The following SNTG1 variants were observed in gnomAD, a reference collection of about 807,000 sequenced individuals.
SNTG1 encodes gamma-1-syntrophin.
A neutral mutation model predicts 74.7 loss-of-function variants in SNTG1; 39 were observed. The observed-to-expected ratio is 0.52, with a 90% CI of 0.40 to 0.68. SNTG1 has a LOEUF of 0.68. Among genes scored for constraint, SNTG1 ranks in the 30% least tolerant of loss-of-function variants. SNTG1 has a pLI of 0.00. For synonymous variants in SNTG1, 254 were observed against 217.1 expected (o/e 1.17, Z -1.49); for missense variants, 685 against 609.5 (o/e 1.12, Z -1.30).
In SNTG1 at chr8:50,752,107, C is replaced by CA; in HGVS notation, c.1394dup (p.Glu466GlyfsTer6). 1.3e-6 allele frequency: 2 copies of CA among 1,527,718 alleles called. No homozygotes were observed. The highest frequency in any genetic ancestry group is 1.3e-5 in the South Asian group (1 of 77,506). The allele number at this position is 1,527,718 out of a possible 1,614,324, so 94.6% of individuals were successfully genotyped here. A position where few individuals can be genotyped will look rare whatever the true frequency, so the allele number is the denominator to read the frequency against. On this transcript the variant is annotated frameshift_variant, in exon 18 of 19. Transcript: ENST00000642720. LOFTEE classifies it high-confidence loss of function. ...AATCCAGATACTAAACAGATTGAAG[C>CA]AAAGGTAAACCCAAGAAATTCATCA...
At chr8:50,484,447 T>A (rs2093772691) in intron 8 of SNTG1, among the ~76,000 whole-genome samples, 1 of 151,588 alleles carries the variant, frequency 6.6e-6, no homozygotes, top group Non-Finnish European at 1.5e-5. Context: ...ACTCATGACC[T>A]CAGATGATCT....
At position 50,553,066 on chromosome 8, in the gene SNTG1, G is replaced by T. The variant is rs754605384; in HGVS notation, c.697G>T (p.Val233Phe). The T allele has an allele frequency of 1.7e-5, 28 of 1,613,748 alleles. No individual in the cohort carries two copies. The highest frequency in any genetic ancestry group is 2.4e-5 in the Non-Finnish European group (28 of 1,179,828). The change falls in exon 12 of 19, where the codon GTC becomes TTC. Residue 233 changes from valine to phenylalanine, a missense_variant. By Grantham distance (50) the Val-to-Phe change is conservative (BLOSUM62 -1). Coordinates refer to ENST00000642720, the MANE Select transcript of SNTG1 (RefSeq NM_018967.5). ...TDLSRQNAFQ[V>F]IAVDGVCTGI... ...CATCTGCAGGCAGAATGCCTTTCAA[G>T]TCATTGCTGTGGATGGGGTCTGCAC...
intron 2 of SNTG1, chr8:50,380,865 G>A (rs1027812920): frequency 2.0e-5 from 3 of 152,142 alleles, no homozygotes; most frequent in Non-Finnish European, 4.4e-5. Flanking sequence ...TAATAGGCAA[G>A]ATCTCTAGAC....
intron 1 of SNTG1, among the ~76,000 whole-genome samples, chr8:50,049,512 A>G (rs1441911697): frequency 6.6e-6 from 1 of 152,146 alleles, no homozygotes; most frequent in Admixed American, 6.6e-5. Flanking sequence ...AGCTGACAGA[A>G]TTGTTAGGAT....
chr8:50,656,408 G>A (rs1316001365), intron 13 of SNTG1, among the ~76,000 whole-genome samples: 1 of 152,018 alleles, frequency 6.6e-6, no homozygotes, highest in African/African-American at 2.4e-5. Flanking sequence ...TTAAAAGGAG[G>A]GCATTTATCA....
intron 8 of SNTG1, among the ~76,000 whole-genome samples, chr8:50,452,001 T>C (rs771227617): frequency 7.9e-5 from 12 of 152,376 alleles, no homozygotes; most frequent in Non-Finnish European, 1.3e-4. Context: ...GGTTTTTGAA[T>C]AGATTGCTCC....
intron 2 of SNTG1, among the ~76,000 whole-genome samples, chr8:50,274,636 G>C (rs1349471591): frequency 2.0e-5 from 3 of 152,046 alleles, no homozygotes; most frequent in Non-Finnish European, 4.4e-5. Flanking sequence ...CCCATCTTAG[G>C]ATAAAGACAC....
At chr8:50,173,531 G>A (rs1420768652) in intron 2 of SNTG1, among the ~76,000 whole-genome samples, 1 of 152,156 alleles carries the variant, frequency 6.6e-6, no homozygotes, top group African/African-American at 2.4e-5. Context: ...GAAGTGGCAA[G>A]AATCTTTGAG....
At chr8:50,391,664 A>T (rs896343567) in intron 2 of SNTG1, among the ~76,000 whole-genome samples, 1 of 151,982 alleles carries the variant, frequency 6.6e-6, no homozygotes, top group African/African-American at 2.4e-5. Flanking sequence ...TCCTCTTTGT[A>T]CCTCTGGTAG....
intron 1 of SNTG1, among the ~76,000 whole-genome samples, chr8:50,056,093 A>G (rs1257931638): frequency 1.3e-5 from 2 of 152,018 alleles, no homozygotes; most frequent in Admixed American, 6.6e-5. Context: ...ATAGCCTCAT[A>G]TTGTTTCACT....
chr8:50,598,951 T>C (rs180996931), intron 13 of SNTG1, among the ~76,000 whole-genome samples: 1 of 152,166 alleles, frequency 6.6e-6, no homozygotes, highest in African/African-American at 2.4e-5. Flanking sequence ...TCATTAGTTA[T>C]AACAACTTTT....
chr8:49,955,433 T>C (rs1378951292), intron 1 of SNTG1, among the ~76,000 whole-genome samples: 3 of 152,218 alleles, frequency 2.0e-5, no homozygotes, highest in Non-Finnish European at 4.4e-5. Context: ...CCTTGCACTA[T>C]GGCAGGGTCC....
intron 9 of SNTG1, among the ~76,000 whole-genome samples, chr8:50,516,787 G>A (rs977826947): frequency 1.1e-4 from 16 of 152,068 alleles, no homozygotes; most frequent in Admixed American, 9.8e-4. Context: ...AAGAAATATG[G>A]GACTATGTGA....
At chr8:50,595,486 A>G (rs1231720316) in intron 13 of SNTG1, among the ~76,000 whole-genome samples, 1 of 152,112 alleles carries the variant, frequency 6.6e-6, no homozygotes, top group Non-Finnish European at 1.5e-5. Flanking sequence ...TTAAAATAAA[A>G]TATACACTTC....
intron 1 of SNTG1, among the ~76,000 whole-genome samples, chr8:49,917,960 AT>A (rs61345652): frequency 0.088 from 13,362 of 152,082 alleles, 808 homozygotes; most frequent in South Asian, 0.2. Context: ...GCTTTACCTA[AT>A]TTCATTGTTA....
At chr8:50,306,271 C>T (rs2089893315) in intron 2 of SNTG1, among the ~76,000 whole-genome samples, 1 of 151,562 alleles carries the variant, frequency 6.6e-6, no homozygotes, top group African/African-American at 2.4e-5. Context: ...ATATATATAC[C>T]ACATTTTCTT....
At chr8:50,245,722 G>T (rs987345826) in intron 2 of SNTG1, among the ~76,000 whole-genome samples, 1 of 151,956 alleles carries the variant, frequency 6.6e-6, no homozygotes, top group Non-Finnish European at 1.5e-5. Flanking sequence ...ACAAAAAAAG[G>T]ATGTAAAATA....
intron 1 of SNTG1, among the ~76,000 whole-genome samples, chr8:50,118,661 A>G (rs17687439): frequency 0.032 from 4,571 of 142,260 alleles, 856 homozygotes; most frequent in Admixed American, 0.05. Context: ...TGAAAGAAAA[A>G]TCAAGAGCCT....
chr8:50,613,871 T>A (rs1428517097), intron 13 of SNTG1, among the ~76,000 whole-genome samples: 1 of 152,060 alleles, frequency 6.6e-6, no homozygotes, highest in Non-Finnish European at 1.5e-5. Context: ...AATCCTTGAG[T>A]AGGTCTATAT....
Sources: gnomAD v4.1 joint callset for allele counts (sites outside exome capture counted in the v4.1 genomes callset) on GRCh38, gnomAD v4.1.1 for gene constraint, MANE v1.5 for transcripts, NCBI Gene and HGNC (gene_info 2026-07-23, HGNC 2026-07-21) for gene names.